The following LRRTM4 variants were observed in gnomAD, a reference collection of about 807,000 sequenced individuals.
LRRTM4 encodes the protein leucine-rich repeat transmembrane neuronal protein 4.
In LRRTM4, 25 loss-of-function variants were observed where a neutral mutation model predicts 47.6. That is an observed-to-expected ratio of 0.53 (90% CI 0.38 to 0.73). The LOEUF (loss-of-function observed/expected upper bound fraction) is 0.73. LRRTM4 is among the 30% of genes least tolerant of loss of function. The probability of loss-of-function intolerance (pLI) is 0.00; values close to 1 mark genes in which losing one functional copy is unlikely to be tolerated. For synonymous variants in LRRTM4, 311 were observed against 269.5 expected, an observed-to-expected ratio of 1.15 and a Z score of -1.51; for missense variants, 638 against 713.4, an observed-to-expected ratio of 0.89 and a Z score of 1.20.
At chr2:77,521,872 CATATATATAT>C in intron 1 of LRRTM4, 54 bp from the exon 2 acceptor site, 1 of 204,508 alleles carries the variant, frequency 4.9e-6, no homozygotes, top group Non-Finnish European at 8.5e-6. Context: ...TATATATATA[CATATATATAT>C]ATATATAAAA....
At chr2:77,046,728 G>A (rs889266036) in intron 3 of LRRTM4, among the ~76,000 whole-genome samples, 7 of 151,826 alleles carry the variant, frequency 4.6e-5, no homozygotes, top group Admixed American at 3.3e-4. Flanking sequence ...GCAGAAGGAG[G>A]TCTGTCCCAT....
intron 3 of LRRTM4, among the ~76,000 whole-genome samples, chr2:76,929,535 A>G (rs1317775884): frequency 1.3e-5 from 2 of 152,120 alleles, no homozygotes; most frequent in African/African-American, 2.4e-5. Context: ...AGCTTTTTTT[A>G]ACTTCGGTTT....
At chr2:76,800,598 C>T (rs1165589796) in intron 3 of LRRTM4, among the ~76,000 whole-genome samples, 3 of 141,310 alleles carry the variant, frequency 2.1e-5, no homozygotes. Context: ...CCAAAATTGA[C>T]AAATGGGATC....
At chr2:77,232,175 T>G (rs555720467) in intron 3 of LRRTM4, among the ~76,000 whole-genome samples, 1 of 152,302 alleles carries the variant, frequency 6.6e-6, no homozygotes, top group Non-Finnish European at 1.5e-5. Flanking sequence ...ACCTGTCAAA[T>G]CTACTCTGCC....
chr2:77,494,949 G>C (rs540816135), intron 3 of LRRTM4, among the ~76,000 whole-genome samples: 20 of 152,136 alleles, frequency 1.3e-4, no homozygotes, highest in Middle Eastern at 3.4e-3. Context: ...TAAATACTTT[G>C]AGATTCATCT....
chr2:77,068,471 A>T (rs11903423), intron 3 of LRRTM4, among the ~76,000 whole-genome samples: 3 of 151,968 alleles, frequency 2.0e-5, no homozygotes, highest in Non-Finnish European at 4.4e-5. Context: ...TGCTCTCTCA[A>T]TGGGAACCCC....
chr2:77,420,623 GATAT>G (rs148530177), intron 3 of LRRTM4, among the ~76,000 whole-genome samples: 1 of 145,858 alleles, frequency 6.9e-6, no homozygotes, highest in Non-Finnish European at 1.5e-5. Flanking sequence ...TAGTGTATGT[GATAT>G]ATATATATAT....
chr2:76,755,268 T>C (rs183023425), intron 3 of LRRTM4, among the ~76,000 whole-genome samples: 6 of 152,266 alleles, frequency 3.9e-5, no homozygotes, highest in Non-Finnish European at 7.4e-5. Context: ...TTTGCAAAGA[T>C]AAGACAGCTC....
chr2:77,071,769 C>T (rs1209328905), intron 3 of LRRTM4, among the ~76,000 whole-genome samples: 1 of 152,084 alleles, frequency 6.6e-6, no homozygotes, highest in African/African-American at 2.4e-5. Flanking sequence ...CAGAGTTTTA[C>T]AAGTAGCAAA....
At chr2:77,124,270 A>G (rs1027699592) in intron 3 of LRRTM4, among the ~76,000 whole-genome samples, 1 of 152,110 alleles carries the variant, frequency 6.6e-6, no homozygotes, top group Non-Finnish European at 1.5e-5. Flanking sequence ...GACTGATAGA[A>G]TGTGGAAGTG....
At chr2:77,421,058 C>A (rs945007671) in intron 3 of LRRTM4, among the ~76,000 whole-genome samples, 1 of 151,144 alleles carries the variant, frequency 6.6e-6, no homozygotes, top group African/African-American at 2.4e-5. Context: ...GGAAACAAGG[C>A]CACTAGAGGT....
intron 3 of LRRTM4, among the ~76,000 whole-genome samples, chr2:77,389,824 C>A (rs1360073318): frequency 6.6e-6 from 1 of 151,916 alleles, no homozygotes; most frequent in Non-Finnish European, 1.5e-5. Flanking sequence ...CCCTTCCTTT[C>A]TTCTTTTCAT....
intron 3 of LRRTM4, among the ~76,000 whole-genome samples, chr2:77,369,040 G>T (rs186147783): frequency 1.1e-3 from 161 of 151,764 alleles, no homozygotes; most frequent in African/African-American, 3.7e-3. Flanking sequence ...GATTCAAACA[G>T]GTATGAGGTA....
intron 3 of LRRTM4, among the ~76,000 whole-genome samples, chr2:76,900,187 T>C (rs1673575551): frequency 6.6e-6 from 1 of 152,052 alleles, no homozygotes; most frequent in South Asian, 2.1e-4. Flanking sequence ...TGAGCCAAGA[T>C]CACACCACTG....
chr2:77,064,742 C>A (rs1679899375), intron 3 of LRRTM4, among the ~76,000 whole-genome samples: 1 of 152,066 alleles, frequency 6.6e-6, no homozygotes, highest in Admixed American at 6.6e-5. Context: ...AATTTATTTC[C>A]ATAAAATTAT....
chr2:77,103,671 A>ATATC (rs1671020560), intron 3 of LRRTM4, among the ~76,000 whole-genome samples: 5 of 149,530 alleles, frequency 3.3e-5, no homozygotes, highest in Admixed American at 2.7e-4. Flanking sequence ...ATAGATATAT[A>ATATC]TATCACATAT....
chr2:76,831,184 T>G (rs1354639632), intron 3 of LRRTM4, among the ~76,000 whole-genome samples: 1 of 152,128 alleles, frequency 6.6e-6, no homozygotes, highest in East Asian at 1.9e-4. Context: ...TGTATCTATA[T>G]ATGTGAATGT....
At chr2:77,328,691 G>A (rs1211187912) in intron 3 of LRRTM4, among the ~76,000 whole-genome samples, 1 of 152,144 alleles carries the variant, frequency 6.6e-6, no homozygotes, top group Non-Finnish European at 1.5e-5. Flanking sequence ...ACGATCTATG[G>A]TTTACAAGTG....
intron 3 of LRRTM4, among the ~76,000 whole-genome samples, chr2:77,003,532 C>G (rs779798400): frequency 6.6e-6 from 1 of 152,120 alleles, no homozygotes; most frequent in African/African-American, 2.4e-5. Context: ...CTGTATATCA[C>G]CTTTGCCTGC....
Sources: gnomAD v4.1 joint callset for allele counts (sites outside exome capture counted in the v4.1 genomes callset) on GRCh38, gnomAD v4.1.1 for gene constraint, MANE v1.5 for transcripts, NCBI Gene and HGNC (gene_info 2026-07-23, HGNC 2026-07-21) for gene names.